Variants in ANP32E observed in about 807,000 individuals in gnomAD.
ANP32E encodes the protein acidic nuclear phosphoprotein 32 family member E.
ANP32E carries 14 observed loss-of-function variants against 35.3 expected under a neutral mutation model. The ratio of observed to expected loss-of-function variants is 0.40; its 90% confidence interval spans 0.26 to 0.62. ANP32E has a LOEUF of 0.62. ANP32E is among the 20% of genes least tolerant of loss of function. The probability of loss-of-function intolerance (pLI) is 0.45; values close to 1 mark genes in which losing one functional copy is unlikely to be tolerated. For synonymous variants in ANP32E, 89 were observed against 110.4 expected (o/e 0.81, Z 1.22); for missense variants, 198 against 304.4 (o/e 0.65, Z 2.60).
At chr1:150,223,538 G>A (rs1337728897) in intron 5 of ANP32E, among the ~76,000 whole-genome samples, 7 of 151,666 alleles carry the variant, frequency 4.6e-5, no homozygotes, top group Non-Finnish European at 5.9e-5. Flanking sequence ...AAAACTAGCC[G>A]GGCATGGTGG....
At position 150,231,880 on chromosome 1, in the gene ANP32E, A is replaced by G. The variant is rs79531555; in HGVS notation, c.101T>C (p.Ile34Thr). The G allele has an allele frequency of 3.1e-6, 5 of 1,612,844 alleles. No individual in the cohort carries two copies. Among genetic ancestry groups the G allele is most frequent in the Non-Finnish European group, 2.5e-6 (3 of 1,179,716 alleles). Residue 34 changes from isoleucine to threonine, a missense_variant, in exon 2 of 7, where the codon ATT (isoleucine) becomes ACT (threonine). Transcript: ENST00000583931. ...LDNCLCVNGE[I>T]EGLNDTFKEL... is the part of the protein sequence containing the mutation. ...TTTGAAAGTATCATTCAGGCCTTCA[A>G]TTTCCCCATTGACACACAGGCAATT...
In ANP32E at chr1:150,226,013, T is replaced by TG. The variant is rs1553839843; in HGVS notation, c.681+594_681+595insC. 9.3e-5 allele frequency among the ~76,000 whole-genome samples: 14 copies of TG among 150,800 alleles called. 1 individual carries two copies. The highest frequency in any genetic ancestry group is 2.9e-4 in the African/African-American group (12 of 41,176). ...TATGAGGTTGATATAACCTGTTTTT[T>TG]TTTTTTTTTTGAGACAGAGTCTTGC... On this transcript the variant is annotated intron_variant, in intron 5 of 6. Transcript: ENST00000583931.
At position 150,229,287 on chromosome 1, in the gene ANP32E, ATTTCTTT is replaced by A. The variant is rs1382801107; in HGVS notation, c.328-57_328-51del. 11 of 595,362 alleles carry A rather than the reference ATTTCTTT, an allele frequency of 1.8e-5. No individual in the cohort carries two copies. In the African/African-American group the frequency reaches 2.0e-4, roughly 11 times the overall value. The allele number at this position is 595,362 out of a possible 1,614,324, so 36.9% of individuals were successfully genotyped here. A position where few individuals can be genotyped will look rare whatever the true frequency, so the allele number is the denominator to read the frequency against. ...CATTCAAGATTTAAAATACCATGTT[ATTTCTTT>A]TTTCTTTTTTTTTTTTTTTTTTTGA... is the stretch of plus-strand genomic sequence containing the variant. On this transcript the variant is annotated intron_variant, in intron 3 of 6. Coordinates refer to ENST00000583931, the MANE Select transcript of ANP32E (RefSeq NM_030920.5).
intron 1 of ANP32E, among the ~76,000 whole-genome samples, chr1:150,232,160 C>T (rs1378334389): frequency 1.3e-5 from 2 of 151,268 alleles, no homozygotes; most frequent in African/African-American, 2.4e-5. Flanking sequence ...CCGGCTAAAA[C>T]GGTGAAACCC....
At chr1:150,222,264 CA>C (rs1489643114) in intron 6 of ANP32E, among the ~76,000 whole-genome samples, 2 of 150,990 alleles carry the variant, frequency 1.3e-5, no homozygotes, top group Non-Finnish European at 3.0e-5. Context: ...ACTAAAAATA[CA>C]AAAAATTAGC....
At chr1:150,228,021 T>C (rs1283834454) in intron 4 of ANP32E, among the ~76,000 whole-genome samples, 1 of 151,566 alleles carries the variant, frequency 6.6e-6, no homozygotes, top group African/African-American at 2.4e-5. Flanking sequence ...ATAATCTACT[T>C]TCTGTCTCAA....
chr1:150,229,572 G>A (rs1261616078), intron 3 of ANP32E, among the ~76,000 whole-genome samples: 2 of 152,086 alleles, frequency 1.3e-5, no homozygotes, highest in Non-Finnish European at 2.9e-5. Context: ...TCCGCCTCCC[G>A]GGTTCAAGCG....
At chr1:150,234,358 G>A (rs61458224) in intron 1 of ANP32E, among the ~76,000 whole-genome samples, 4,339 of 150,952 alleles carry the variant, frequency 0.029, 215 homozygotes, top group African/African-American at 0.1. Flanking sequence ...AGTTATCTCC[G>A]GGATGACCCT....
chr1:150,226,891 G>T, intron 4 of ANP32E, 96 bp from the exon 5 acceptor site: 1 of 1,437,242 alleles, frequency 7.0e-7, no homozygotes, highest in South Asian at 1.6e-5. Flanking sequence ...CTTCAAACTT[G>T]TAAGCCAATA....
intron 6 of ANP32E, among the ~76,000 whole-genome samples, chr1:150,222,280 C>T (rs920053755): frequency 6.6e-6 from 1 of 150,632 alleles, no homozygotes; most frequent in African/African-American, 2.4e-5. Flanking sequence ...ATTAGCCAGG[C>T]GTGGTGGCGG....
intron 1 of ANP32E, among the ~76,000 whole-genome samples, chr1:150,233,221 C>T (rs1271955307): frequency 1.4e-5 from 2 of 143,014 alleles, no homozygotes; most frequent in Non-Finnish European, 3.0e-5. Flanking sequence ...GCCGAGGCCG[C>T]ACCATTGCAC....
chr1:150,230,402 A>T (rs1553841384), intron 3 of ANP32E, among the ~76,000 whole-genome samples, 169 bp downstream of exon 3: 1 of 152,228 alleles, frequency 6.6e-6, no homozygotes, highest in Admixed American at 6.5e-5. Context: ...TGATTTAAAA[A>T]TTCATCTGAA....
intron 4 of ANP32E, among the ~76,000 whole-genome samples, chr1:150,228,865 A>G (rs781801338): frequency 2.0e-5 from 3 of 152,192 alleles, no homozygotes; most frequent in Non-Finnish European, 4.4e-5. Context: ...GCTTCATGTT[A>G]TAATAGTCAT....
At chr1:150,232,657 G>A (rs1274777464) in intron 1 of ANP32E, among the ~76,000 whole-genome samples, 1 of 151,608 alleles carries the variant, frequency 6.6e-6, no homozygotes, top group African/African-American at 2.4e-5. Flanking sequence ...ATTTTTAGTA[G>A]AGACAGGGTT....
intron 1 of ANP32E, among the ~76,000 whole-genome samples, chr1:150,233,618 G>A (rs1440607250): frequency 1.3e-5 from 2 of 152,106 alleles, no homozygotes; most frequent in African/African-American, 4.8e-5. Flanking sequence ...GTGTGGGCCT[G>A]AATGGACTTA....
chr1:150,233,209 G>A lies in ANP32E; in HGVS notation c.55-1283C>T, dbSNP rs149426664. 6.2e-3 allele frequency among the ~76,000 whole-genome samples: 901 copies of A among 144,356 alleles called. 1 individual carries two copies. The highest frequency in any genetic ancestry group is 9.5e-3 in the Non-Finnish European group (635 of 67,110). 94.7% of individuals were successfully genotyped at this position (144,356 alleles called of 152,430 possible). ...GAACCCGGGCAGCAGAGGTTGCAGT[G>A]AGCCGAGGCCGCACCATTGCACTCC... On this transcript the variant is annotated intron_variant, in intron 1 of 6. Coordinates refer to ENST00000583931, the MANE Select transcript of ANP32E (RefSeq NM_030920.5).
At chr1:150,229,656 T>G (rs1649194621) in intron 3 of ANP32E, among the ~76,000 whole-genome samples, 1 of 152,244 alleles carries the variant, frequency 6.6e-6, no homozygotes, top group East Asian at 1.9e-4. Flanking sequence ...TTTTGTATTT[T>G]TATTAGAGAC....
At chr1:150,222,236 C>T (rs1383230152) in intron 6 of ANP32E, among the ~76,000 whole-genome samples, 7 of 151,150 alleles carry the variant, frequency 4.6e-5, no homozygotes, top group Non-Finnish European at 1.0e-4. Context: ...CTTGCTAACA[C>T]GGTGAAACCC....
intron 5 of ANP32E, 177 bp from the exon 6 acceptor site, chr1:150,223,417 A>C: frequency 8.0e-6 from 6 of 748,560 alleles, no homozygotes; most frequent in Non-Finnish European, 1.2e-5. Flanking sequence ...GCGGTGGCTC[A>C]CGCCTGTAAT....
Sources: allele counts gnomAD v4.1 joint callset (sites outside exome capture counted in the v4.1 genomes callset), GRCh38; gene constraint gnomAD v4.1.1; transcripts MANE v1.5; gene names NCBI Gene and HGNC (gene_info 2026-07-23, HGNC 2026-07-21).